Variants in LY96 observed in about 807,000 individuals in gnomAD.
The protein encoded by LY96 is lymphocyte antigen 96, also known as myeloid differentiation protein-2.
In LY96, 18 loss-of-function variants were observed where a neutral mutation model predicts 18.9. That is an observed-to-expected ratio of 0.95 (90% CI 0.66 to 1.41). The LOEUF (loss-of-function observed/expected upper bound fraction) is 1.41. Ranked by LOEUF, LY96 falls within the 40% of genes most tolerant of loss-of-function variation. The pLI, the probability that LY96 is intolerant of heterozygous loss-of-function variation, is 0.00. For synonymous variants in LY96, 66 were observed against 62.6 expected (o/e 1.06, Z -0.26); for missense variants, 175 against 182.4 (o/e 0.96, Z 0.23).
intron 2 of LY96, among the ~76,000 whole-genome samples, chr8:74,006,580 G>A (rs1054410902): frequency 6.6e-6 from 1 of 152,236 alleles, no homozygotes; most frequent in African/African-American, 2.4e-5. Context: ...TAAGTGAAGT[G>A]ACAGCAACAG....
chr8:74,099,671 C>T, the LY96 span: 1 of 152,152 alleles, frequency 6.6e-6, no homozygotes, highest in African/African-American at 2.4e-5. Context: ...TTAATGACTC[C>T]TCCTATAATC....
intron 3 of LY96, among the ~76,000 whole-genome samples, chr8:74,020,927 G>T (rs923754760): frequency 6.6e-6 from 1 of 152,162 alleles, no homozygotes. Flanking sequence ...ATTCAAGATG[G>T]ATTAAAGACT....
chr8:74,003,566 C>T (rs760984110), intron 1 of LY96, among the ~76,000 whole-genome samples: 9 of 152,216 alleles, frequency 5.9e-5, no homozygotes, highest in South Asian at 2.1e-4. Context: ...AGGCTTCTCA[C>T]GACCTTCGCT....
Position 74,028,944 on chromosome 8 carries a change from A to G in LY96, c.385-12A>G, listed in dbSNP as rs1372304704. ...ATTTTGTATTACTTGTATTTCTTAT[A>G]CTTCATTTTAGGGAAAATACAAATG... is the stretch of plus-strand genomic sequence containing the variant. On this transcript the variant is annotated splice_polypyrimidine_tract_variant and intron_variant, in intron 4 of 4. Transcript: ENST00000284818. 2 of 1,510,894 alleles carry G rather than the reference A, an allele frequency of 1.3e-6. No individual in the cohort carries two copies. The highest frequency in any genetic ancestry group is 1.8e-6 in the Non-Finnish European group (2 of 1,088,122). The allele number at this position is 1,510,894 out of a possible 1,614,324, so 93.6% of individuals were successfully genotyped here. A position where few individuals can be genotyped will look rare whatever the true frequency, so the allele number is the denominator to read the frequency against.
At chr8:74,059,437 C>G in the LY96 span, among the ~76,000 whole-genome samples, 1 of 152,272 alleles carries the variant, frequency 6.6e-6, no homozygotes, top group African/African-American at 2.4e-5. Context: ...ATTTCTCTAT[C>G]AGATATAAAG....
the LY96 span, among the ~76,000 whole-genome samples, chr8:74,038,921 G>T: frequency 4.6e-5 from 7 of 152,108 alleles, no homozygotes; most frequent in African/African-American, 1.7e-4. Flanking sequence ...TTAGTTTTTG[G>T]AGGAACTTCA....
chr8:74,025,981 C>G lies in LY96; in HGVS notation c.332-808C>G, dbSNP rs532515179. Among the ~76,000 whole-genome samples, 5 of 152,246 alleles carry G rather than the reference C, an allele frequency of 3.3e-5. No individual in the cohort carries two copies. In the South Asian group the frequency reaches 8.3e-4, roughly 25 times the overall value. The stretch of plus-strand genomic sequence containing the variant: ...TGAGATCACGCCATTGTACTCCGGC[C>G]TGGGCAACAGAGTGAGACTCCATCT... On this transcript the variant is annotated intron_variant, in intron 3 of 4. Transcript: ENST00000284818.
chr8:74,057,000 T>G, the LY96 span, among the ~76,000 whole-genome samples: 2 of 152,152 alleles, frequency 1.3e-5, no homozygotes. Context: ...AGCATTAGCT[T>G]TATATGGTAG....
At chr8:74,005,446 T>C (rs1816391383) in intron 2 of LY96, among the ~76,000 whole-genome samples, 2 of 152,162 alleles carry the variant, frequency 1.3e-5, no homozygotes, top group African/African-American at 4.8e-5. Context: ...CACAAGAACA[T>C]GTGGGTAGAA....
At chr8:74,040,529 T>A in the LY96 span, among the ~76,000 whole-genome samples, 1 of 152,186 alleles carries the variant, frequency 6.6e-6, no homozygotes, top group African/African-American at 2.4e-5. Flanking sequence ...GAGATAGAGG[T>A]CTAGCTTCAT....
At chr8:74,020,475 G>T (rs1164467040) in intron 3 of LY96, among the ~76,000 whole-genome samples, 1 of 152,156 alleles carries the variant, frequency 6.6e-6, no homozygotes, top group Admixed American at 6.6e-5. Flanking sequence ...AATCAATATT[G>T]TGAAAATGGC....
chr8:74,025,673 A>C (rs1816856289), intron 3 of LY96, among the ~76,000 whole-genome samples: 1 of 151,280 alleles, frequency 6.6e-6, no homozygotes, highest in Non-Finnish European at 1.5e-5. Flanking sequence ...AAAAAAAAAA[A>C]AAGATACACC....
the LY96 span, among the ~76,000 whole-genome samples, chr8:74,072,668 A>G: frequency 1.3e-5 from 2 of 152,222 alleles, no homozygotes; most frequent in Non-Finnish European, 2.9e-5. Context: ...AAATAATGCC[A>G]ATCTACCTGA....
chr8:74,035,222 C>CT, the LY96 span, among the ~76,000 whole-genome samples: 47 of 151,166 alleles, frequency 3.1e-4, no homozygotes, highest in Middle Eastern at 3.4e-3. Flanking sequence ...TATGTAAAAA[C>CT]TTTTTTTTTA....
chr8:74,099,031 G>A, the LY96 span, among the ~76,000 whole-genome samples: 1 of 152,080 alleles, frequency 6.6e-6, no homozygotes, highest in Non-Finnish European at 1.5e-5. Flanking sequence ...CAGAATACAG[G>A]TCCAATTCCT....
the LY96 span, chr8:74,055,919 A>C: frequency 6.6e-6 from 1 of 152,584 alleles, no homozygotes; most frequent in African/African-American, 2.4e-5. Flanking sequence ...TACAAAAAGC[A>C]GCAAAAAGGA....
chr8:74,018,252 A>G lies in LY96; in HGVS notation c.331+8123A>G, dbSNP rs117272637. Among the ~76,000 whole-genome samples, 57 of 152,256 alleles carry G rather than the reference A, an allele frequency of 3.7e-4. 1 individual carries two copies. In the East Asian group the frequency reaches 0.01, roughly 27 times the overall value. On this transcript the variant is annotated intron_variant, in intron 3 of 4. Coordinates refer to ENST00000284818, the MANE Select transcript of LY96 (RefSeq NM_015364.5). ...GCAAAAAAAAATAAAAAAAATAAATAAATAAACAGGGGTTGCAATCCTAGT... is the reference window on the plus strand; with the variant it reads ...GCAAAAAAAAATAAAAAAAATAAATGAATAAACAGGGGTTGCAATCCTAGT...
At chr8:74,029,412 G>A (rs1816932477), downstream of LY96, among the ~76,000 whole-genome samples, 1 of 152,134 alleles carries the variant, frequency 6.6e-6, no homozygotes, top group African/African-American at 2.4e-5. Flanking sequence ...CACATGTCAT[G>A]GGGGACCCAG....
chr8:74,081,055 T>A, the LY96 span, among the ~76,000 whole-genome samples: 186 of 129,162 alleles, frequency 1.4e-3, 2 homozygotes, highest in African/African-American at 2.9e-3. Flanking sequence ...TCTTTTTCTT[T>A]CTTTCTTTCT....
Sources: gnomAD v4.1 joint callset for allele counts (sites outside exome capture counted in the v4.1 genomes callset) on GRCh38, gnomAD v4.1.1 for gene constraint, MANE v1.5 for transcripts, NCBI Gene and HGNC (gene_info 2026-07-23, HGNC 2026-07-21) for gene names.